TBKBP1: variants seen among roughly 807,000 people sequenced by gnomAD.
TBKBP1 encodes the protein TANK-binding kinase 1-binding protein 1.
TBKBP1 carries 47 observed loss-of-function variants against 69.9 expected under a neutral mutation model. That is an observed-to-expected ratio of 0.67 (90% confidence interval 0.53 to 0.86). TBKBP1 has a LOEUF of 0.86. TBKBP1 is among the 40% of genes least tolerant of loss of function. The pLI, the probability that TBKBP1 is intolerant of heterozygous loss-of-function variation, is 0.00. For synonymous variants in TBKBP1, 418 were observed against 390.3 expected, an observed-to-expected ratio of 1.07 and a Z score of -0.84; for missense variants, 831 against 858.6, an observed-to-expected ratio of 0.97 and a Z score of 0.40.
rs776582695 is a variant in TBKBP1 at position 47,697,069 on chromosome 17, G to A, written c.349-20G>A. 5 of 1,598,054 alleles carry A rather than the reference G, an allele frequency of 3.1e-6. No homozygotes were observed. Among genetic ancestry groups the A allele is most frequent in the East Asian group, 2.3e-5 (1 of 44,138 alleles). The stretch of plus-strand genomic sequence containing the variant: ...AGTGTGGGACTGACCCTGTGGTGGG[G>A]CCCTCTGGGCCTCATCCAGTTACAG... On this transcript the variant is annotated intron_variant, in intron 3 of 9. Coordinates refer to ENST00000578982, the MANE Select transcript of TBKBP1 (RefSeq NM_001394755.1).
Position 47,696,755 on chromosome 17 carries a change from G to C in TBKBP1, c.270G>C (p.Leu90=). Reference sequence around the variant, plus strand: ...TTGGAGAGGAGCATGGCTTTTCTCTGTATGAAATCAAGGATGGCTCCCTGC... The same window carrying C: ...TTGGAGAGGAGCATGGCTTTTCTCTCTATGAAATCAAGGATGGCTCCCTGC... ...SDFGEEHGFS[L]YEIKDGSLLE... The change falls in exon 3 of 10, where the codon CTG becomes CTC. Residue 90 remains leucine (L), a synonymous_variant. Coordinates refer to ENST00000578982, the MANE Select transcript of TBKBP1 (RefSeq NM_001394755.1). 6.2e-7 allele frequency: 1 copy of C among 1,613,976 alleles called. No homozygotes were observed. The highest frequency in any genetic ancestry group is 8.5e-7 in the Non-Finnish European group (1 of 1,179,870).
chr17:47,708,970 C>G lies in TBKBP1; in HGVS notation c.1237C>G (p.Arg413Gly), dbSNP rs1326360082. 2 of 1,136,362 alleles carry G rather than the reference C, an allele frequency of 1.8e-6. No individual in the cohort carries two copies. The highest frequency in any genetic ancestry group is 1.1e-6 in the Non-Finnish European group (1 of 927,242). 70.4% of individuals were successfully genotyped at this position (1,136,362 alleles called of 1,614,324 possible). The change falls in exon 9 of 10, where the codon CGC (arginine) becomes GGC (glycine). Residue 413 changes from arginine (R) to glycine (G), a missense_variant. Arg to Gly is a moderately radical substitution (Grantham distance 125). Coordinates refer to ENST00000578982, the MANE Select transcript of TBKBP1 (RefSeq NM_001394755.1). The surrounding 1 kb of genome is among the most constrained non-coding windows in gnomAD (Gnocchi z 4.4). ...GTCGTGCCAGTCCCCCAGCCCGCAG[C>G]GCCGTTCCCCGGTGCCCCCCAGCTG... Reference protein sequence around the residue: ...PPSCQSPSPQRRSPVPPSCPA... With the variant: ...PPSCQSPSPQGRSPVPPSCPA...
chr17:47,706,828 GAC>G (rs55849029), intron 7 of TBKBP1, among the ~76,000 whole-genome samples: 6,864 of 134,096 alleles, frequency 0.051, 195 homozygotes, highest in East Asian at 0.14. Flanking sequence ...GTTAGACTTA[GAC>G]ACACACACAC....
Position 47,708,652 on chromosome 17 carries a change from C to A in TBKBP1, c.992-73C>A, listed in dbSNP as rs1232544828. On this transcript the variant is annotated intron_variant, in intron 8 of 9. Transcript: ENST00000578982. The surrounding 1 kb of genome is among the most constrained non-coding windows in gnomAD (Gnocchi z 4.4). ...GTTGGTGGGCATGGGTCCGGGCAAG[C>A]CCCTGGCGCTCCAGTTCTGAGGTCT... 6.3e-6 allele frequency: 9 copies of A among 1,425,620 alleles called. No homozygotes were observed. The highest frequency in any genetic ancestry group is 7.5e-6 in the Non-Finnish European group (8 of 1,065,140). The allele number at this position is 1,425,620 out of a possible 1,614,324, so 88.3% of individuals were successfully genotyped here.
Position 47,698,707 on chromosome 17 carries a change from C to G in TBKBP1, c.566C>G (p.Pro189Arg), listed in dbSNP as rs2031356948. 2 of 1,607,670 alleles carry G rather than the reference C, an allele frequency of 1.2e-6. No individual in the cohort carries two copies. Among genetic ancestry groups the G allele is most frequent in the African/African-American group, 2.7e-5 (2 of 74,880 alleles). The change falls in exon 5 of 10, where the codon CCC becomes CGC. Residue 189 changes from proline (P) to arginine (R), a missense_variant. Pro to Arg is a moderately radical substitution (Grantham distance 103, BLOSUM62 -2). Coordinates refer to ENST00000578982, the MANE Select transcript of TBKBP1 (RefSeq NM_001394755.1). ...TCCAACCTGAGCCCACCGCCAGCCC[C>G]CGCCCCTCCCTGCACTGATTTAGAC... ...AFSNLSPPPAPAPPCTDLDLH... is the reference protein window; with the variant it reads ...AFSNLSPPPARAPPCTDLDLH...
Position 47,696,298 on chromosome 17 carries a change from C to A in TBKBP1, c.186C>A (p.Asn62Lys), listed in dbSNP as rs200547024. The A allele has an allele frequency of 6.2e-7, 1 of 1,613,374 alleles. No individual in the cohort carries two copies. Among genetic ancestry groups the A allele is most frequent in the South Asian group, 1.1e-5 (1 of 91,076 alleles). Residue 62 changes from asparagine to lysine, a missense_variant, in exon 2 of 10, where the codon AAC becomes AAA. Transcript: ENST00000578982. Reference protein sequence around the residue: ...KERLGGLERENATLRRRLKVY... With the variant: ...KERLGGLEREKATLRRRLKVY... ...GGCTGGGGGGCCTGGAGAGGGAGAACGCCACCCTCCGACGCCGCCTCAAAG... is the reference window on the plus strand; with the variant it reads ...GGCTGGGGGGCCTGGAGAGGGAGAAAGCCACCCTCCGACGCCGCCTCAAAG...
intron 7 of TBKBP1, among the ~76,000 whole-genome samples, chr17:47,706,855 A>ACG (rs1234793649): frequency 6.6e-6 from 1 of 151,366 alleles, no homozygotes; most frequent in African/African-American, 2.4e-5. Flanking sequence ...ACACACACAC[A>ACG]CACACACACA....
At chr17:47,696,956 C>A in intron 3 of TBKBP1, 123 bp downstream of exon 3, 1 of 1,518,706 alleles carries the variant, frequency 6.6e-7, no homozygotes. Context: ...CAGGTCCTCC[C>A]TAAGCCCAGC....
chr17:47,697,284 C>A, intron 4 of TBKBP1, 91 bp downstream of exon 4: 5 of 1,135,216 alleles, frequency 4.4e-6, no homozygotes, highest in South Asian at 1.4e-5. Flanking sequence ...AGGATTCCAG[C>A]CTGTGACAGT....
chr17:47,704,481 G>A (rs922816800), intron 7 of TBKBP1, among the ~76,000 whole-genome samples: 20 of 152,212 alleles, frequency 1.3e-4, no homozygotes, highest in African/African-American at 4.8e-4. Flanking sequence ...GGAAAGTTTG[G>A]TCCCTAAATT....
At position 47,709,013 on chromosome 17, in the gene TBKBP1, GGCCACCGCCGCC is replaced by G; in HGVS notation, c.1284_1295del (p.Pro431_Pro434del). 1 of 1,178,988 alleles carries G rather than the reference GGCCACCGCCGCC, an allele frequency of 8.5e-7. No individual in the cohort carries two copies. Among genetic ancestry groups the G allele is most frequent in the Non-Finnish European group, 1.1e-6 (1 of 951,392 alleles). 73.0% of individuals were successfully genotyped at this position (1,178,988 alleles called of 1,614,324 possible). A position where few individuals can be genotyped will look rare whatever the true frequency, so the allele number is the denominator to read the frequency against. On this transcript the variant is annotated inframe_deletion, in exon 9 of 10. Coordinates refer to ENST00000578982, the MANE Select transcript of TBKBP1 (RefSeq NM_001394755.1). ...CCCAGCTGCCCGGCCCCGCAGCCCC[GGCCACCGCCGCC>G]GCCCCCGCCGGGCGAGAGGACGCTG... is the stretch of plus-strand genomic sequence containing the variant.
At position 47,699,448 on chromosome 17, in the gene TBKBP1, G is replaced by A. The variant is rs374960932; in HGVS notation, c.763G>A (p.Glu255Lys). 73 of 1,571,142 alleles carry A rather than the reference G, an allele frequency of 4.6e-5. No homozygotes were observed. The highest frequency in any genetic ancestry group is 4.8e-5 in the Non-Finnish European group (56 of 1,160,014). Reference sequence around the variant, plus strand: ...GGAGGAGCAGCTCCAGGCCGAGTGCGAGCGGCTGCAGGGGGAGCTGAAGCA... The same window carrying A: ...GGAGGAGCAGCTCCAGGCCGAGTGCAAGCGGCTGCAGGGGGAGCTGAAGCA... Reference protein sequence around the residue: ...LREEQLQAECERLQGELKQLQ... With the variant: ...LREEQLQAECKRLQGELKQLQ... Residue 255 changes from glutamate to lysine, a missense_variant, in exon 6 of 10, where the codon GAG (glutamate) becomes AAG (lysine). Physicochemically the swap from Glu to Lys is moderately conservative, Grantham distance 56 (BLOSUM62 1). Transcript: ENST00000578982.
At chr17:47,707,391 C>T (rs1205939943) in intron 7 of TBKBP1, among the ~76,000 whole-genome samples, 1 of 152,038 alleles carries the variant, frequency 6.6e-6, no homozygotes, top group African/African-American at 2.4e-5. Context: ...AGGGTGGGTG[C>T]CCAAGATGCC....
At chr17:47,698,523 TG>T in intron 4 of TBKBP1, 71 bp from the exon 5 acceptor site, 1 of 1,457,542 alleles carries the variant, frequency 6.9e-7, no homozygotes, top group Non-Finnish European at 9.2e-7. Flanking sequence ...TGCTGTAGTC[TG>T]GGGTGATGAC....
In TBKBP1 at chr17:47,696,101, C is replaced by T. The variant is rs145958867; in HGVS notation, c.-12C>T. 1.4e-3 allele frequency: 2,179 copies of T among 1,600,184 alleles called. 30 individuals are homozygous for T. In the African/African-American group the frequency reaches 0.023, roughly 17 times the overall value. ...TAGGAGGCCCCGTGTGGGCCGCGGC[C>T]CGGCCCTCACCATGGAGTCCATGTT... is the stretch of plus-strand genomic sequence containing the variant. On this transcript the variant is annotated 5_prime_UTR_variant, in exon 2 of 10. Transcript: ENST00000578982.
rs540150423 is a variant in TBKBP1, at chr17:47,699,948, G to A, written c.872+251G>A. Reference sequence around the variant, plus strand: ...AGCAATTCTCCTGCCTCAGCCTCCCGAGTAGCTGGGATTACAGGCATGCAC... The same window carrying A: ...AGCAATTCTCCTGCCTCAGCCTCCCAAGTAGCTGGGATTACAGGCATGCAC... On this transcript the variant is annotated intron_variant, in intron 7 of 9. Coordinates refer to ENST00000578982, the MANE Select transcript of TBKBP1 (RefSeq NM_001394755.1). Among the ~76,000 whole-genome samples the A allele has an allele frequency of 7.3e-5, 11 of 151,068 alleles. No individual in the cohort carries two copies. In the South Asian group the frequency reaches 1.1e-3, roughly 14 times the overall value.
intron 2 of TBKBP1, 103 bp from the exon 3 acceptor site, chr17:47,696,608 G>A (rs750159330): frequency 1.4e-5 from 22 of 1,564,738 alleles, no homozygotes; most frequent in Admixed American, 1.9e-5. Flanking sequence ...GGAGAAGGAG[G>A]GTCAAAGGTC....
In TBKBP1 at chr17:47,708,660, G is replaced by T; in HGVS notation, c.992-65G>T. ...GCATGGGTCCGGGCAAGCCCCTGGC[G>T]CTCCAGTTCTGAGGTCTTCTCTCTG... On this transcript the variant is annotated intron_variant, in intron 8 of 9. Coordinates refer to ENST00000578982, the MANE Select transcript of TBKBP1 (RefSeq NM_001394755.1). This position sits in a 1 kb window ranked among gnomAD's most constrained non-coding sequence, Gnocchi z 4.4. 1.4e-6 allele frequency: 2 copies of T among 1,446,344 alleles called. No homozygotes were observed. Among genetic ancestry groups the T allele is most frequent in the Non-Finnish European group, 1.8e-6 (2 of 1,085,822 alleles). 89.6% of individuals were successfully genotyped at this position (1,446,344 alleles called of 1,614,324 possible). A position where few individuals can be genotyped will look rare whatever the true frequency, so the allele number is the denominator to read the frequency against.
At chr17:47,701,285 A>C (rs768150912) in intron 7 of TBKBP1, among the ~76,000 whole-genome samples, 2 of 152,006 alleles carry the variant, frequency 1.3e-5, no homozygotes, top group Admixed American at 1.3e-4. Flanking sequence ...GGTCCACCCT[A>C]GCTTGTGGCT....
Sources: gnomAD v4.1 joint callset for allele counts (sites outside exome capture counted in the v4.1 genomes callset) on GRCh38, gnomAD v4.1.1 for gene constraint, Gnocchi (gnomAD v3.1) non-coding constraint, MANE v1.5 for transcripts, NCBI Gene and HGNC (gene_info 2026-07-23, HGNC 2026-07-21) for gene names.